The following GRIK2 variants were observed in gnomAD, a reference collection of about 807,000 sequenced individuals.
GRIK2 encodes glutamate receptor ionotropic, kainate 2.
GRIK2 carries 32 observed loss-of-function variants against 100.3 expected under a neutral mutation model. That is an observed-to-expected ratio of 0.32 (90% CI 0.24 to 0.43). The LOEUF (loss-of-function observed/expected upper bound fraction) is 0.43, where lower values mean the gene tolerates loss of function less well. Among genes scored for constraint, GRIK2 ranks in the 20% least tolerant of loss-of-function variants. The probability of loss-of-function intolerance (pLI) is 1.00; values close to 1 mark genes in which losing one functional copy is unlikely to be tolerated. For missense variants in GRIK2, 843 were observed against 1,114.9 expected (o/e 0.76, Z 3.47); for synonymous variants, 417 against 389.4 (o/e 1.07, Z -0.83).
At chr6:101,884,651 G>C (rs904186529) in intron 11 of GRIK2, among the ~76,000 whole-genome samples, 1 of 151,994 alleles carries the variant, frequency 6.6e-6, no homozygotes, top group Non-Finnish European at 1.5e-5. Context: ...GAATTAATCT[G>C]TTCTATCTAG....
At chr6:102,028,575 C>T (rs1018589457) in intron 14 of GRIK2, among the ~76,000 whole-genome samples, 7 of 151,032 alleles carry the variant, frequency 4.6e-5, no homozygotes, top group Admixed American at 6.6e-5. Flanking sequence ...AGATGATTTA[C>T]GAAAACTTAA....
At chr6:101,929,570 A>C (rs1582556841) in intron 14 of GRIK2, among the ~76,000 whole-genome samples, 1 of 152,194 alleles carries the variant, frequency 6.6e-6, no homozygotes, top group Non-Finnish European at 1.5e-5. Flanking sequence ...TACACGACAC[A>C]TTGAGTATTC....
At chr6:102,028,382 A>G (rs1326472898) in intron 14 of GRIK2, among the ~76,000 whole-genome samples, 2 of 151,314 alleles carry the variant, frequency 1.3e-5, no homozygotes, top group African/African-American at 2.4e-5. Flanking sequence ...GTGCTGATGT[A>G]GAAAAAAACA....
rs114921267 is a variant in GRIK2, at chr6:101,883,411, G to A, written c.1525-6229G>A. Among the ~76,000 whole-genome samples the A allele has an allele frequency of 6.0e-3, 910 of 152,018 alleles. 8 individuals are homozygous for A. The highest frequency in any genetic ancestry group is 0.021 in the African/African-American group (872 of 41,486). ...AAAATAGTTGTTTAGTGACTACTTT[G>A]TGCCAGTCACTGTACTAGACACTGG... On this transcript the variant is annotated intron_variant, in intron 11 of 16. Transcript: ENST00000369134.
chr6:101,465,558 G>T (rs1323374871), intron 2 of GRIK2, among the ~76,000 whole-genome samples: 4 of 152,102 alleles, frequency 2.6e-5, no homozygotes, highest in African/African-American at 9.7e-5. Flanking sequence ...TTATTGTGGA[G>T]AACTTATTAT....
chr6:101,893,730 C>T (rs1233973289), intron 12 of GRIK2, among the ~76,000 whole-genome samples: 4 of 151,678 alleles, frequency 2.6e-5, no homozygotes, highest in African/African-American at 9.7e-5. Flanking sequence ...ATTTATTTCT[C>T]ATTTATTCAT....
chr6:101,847,555 T>C (rs903862496), intron 10 of GRIK2, among the ~76,000 whole-genome samples: 2 of 152,118 alleles, frequency 1.3e-5, no homozygotes, highest in African/African-American at 4.8e-5. Flanking sequence ...TTGACAGAGA[T>C]TTCCTTAAAC....
intron 1 of GRIK2, among the ~76,000 whole-genome samples, chr6:101,396,059 G>A (rs1184717751): frequency 1.3e-5 from 2 of 152,080 alleles, no homozygotes; most frequent in South Asian, 4.1e-4. Context: ...TTTTAAAAGG[G>A]TTAAATCTAG....
At chr6:101,565,594 T>C (rs1015870893) in intron 2 of GRIK2, among the ~76,000 whole-genome samples, 1 of 151,910 alleles carries the variant, frequency 6.6e-6, no homozygotes, top group Non-Finnish European at 1.5e-5. Context: ...GTATAAACAG[T>C]GAGGAAAGAA....
intron 2 of GRIK2, among the ~76,000 whole-genome samples, chr6:101,422,761 A>G (rs1024655216): frequency 2.0e-5 from 3 of 152,318 alleles, no homozygotes; most frequent in Non-Finnish European, 2.9e-5. Context: ...TTGAAAAATC[A>G]AATGACATGA....
intron 4 of GRIK2, among the ~76,000 whole-genome samples, chr6:101,643,271 C>CTATATTT (rs1330949357): frequency 1.3e-5 from 2 of 151,496 alleles, no homozygotes; most frequent in Non-Finnish European, 3.0e-5. Flanking sequence ...CTTTTGCTGT[C>CTATATTT]ATATTCAATA....
chr6:101,725,002 A>G (rs1774760145), intron 7 of GRIK2, among the ~76,000 whole-genome samples: 1 of 151,974 alleles, frequency 6.6e-6, no homozygotes, highest in Non-Finnish European at 1.5e-5. Context: ...TGTGTCTGCT[A>G]TGTTCCCATT....
Position 101,818,420 on chromosome 6 carries a change from G to C in GRIK2, c.1254G>C (p.Lys418Asn). Residue 418 changes from lysine (K) to asparagine (N), a missense_variant, in exon 10 of 17, where the codon AAG (lysine) becomes AAC (asparagine). By Grantham distance (94) the Lys-to-Asn change is moderately conservative (BLOSUM62 0). Coordinates refer to ENST00000369134, the MANE Select transcript of GRIK2 (RefSeq NM_021956.5). ...GCCTGAATATGACAGAAAGTCAAAAGGGAAAGCCAGCGAACATCACAGATT... is the reference window on the plus strand; with the variant it reads ...GCCTGAATATGACAGAAAGTCAAAACGGAAAGCCAGCGAACATCACAGATT... ...ASGLNMTESQ[K>N]GKPANITDSL... 6.2e-7 allele frequency: 1 copy of C among 1,612,524 alleles called. No individual in the cohort carries two copies. Among genetic ancestry groups the C allele is most frequent in the East Asian group, 2.2e-5 (1 of 44,782 alleles).
At chr6:101,823,575 C>T (rs929875923) in intron 10 of GRIK2, among the ~76,000 whole-genome samples, 4 of 151,958 alleles carry the variant, frequency 2.6e-5, no homozygotes, top group Non-Finnish European at 4.4e-5. Flanking sequence ...GAACTATTAT[C>T]TTTCAAATTA....
intron 2 of GRIK2, among the ~76,000 whole-genome samples, chr6:101,566,698 T>A (rs990486254): frequency 6.6e-6 from 1 of 151,196 alleles, no homozygotes; most frequent in Non-Finnish European, 1.5e-5. Flanking sequence ...TTATTAGCCA[T>A]TTCAAAATCA....
intron 14 of GRIK2, among the ~76,000 whole-genome samples, chr6:101,975,809 G>GTCTATCTATATA (rs1793336424): frequency 6.8e-6 from 1 of 147,408 alleles, no homozygotes; most frequent in South Asian, 2.2e-4. Flanking sequence ...CTATCTATCT[G>GTCTATCTATATA]TCTATCTATC....
rs188551145 is a variant in GRIK2, at chr6:101,706,581, T to C, written c.951+20228T>C. Among the ~76,000 whole-genome samples, 46 of 152,030 alleles carry C rather than the reference T, an allele frequency of 3.0e-4. No homozygotes were observed. In the East Asian group the frequency reaches 7.8e-3, roughly 26 times the overall value. ...TATTGGCAGATATGCCTGTGAAAGA[T>C]AAACAGGCAGGAGGTTAGAATAGAC... On this transcript the variant is annotated intron_variant, in intron 7 of 16. Coordinates refer to ENST00000369134, the MANE Select transcript of GRIK2 (RefSeq NM_021956.5).
chr6:102,015,576 CTGCGGCCAACACCTG>C (rs1456321216), intron 14 of GRIK2, among the ~76,000 whole-genome samples: 8 of 152,174 alleles, frequency 5.3e-5, no homozygotes, highest in Admixed American at 6.5e-5. Context: ...GCCACTGTTG[CTGCGGCCAACACCTG>C]TACAGAGGCC....
At chr6:101,565,912 A>ATTTT (rs67278361) in intron 2 of GRIK2, among the ~76,000 whole-genome samples, 1 of 107,364 alleles carries the variant, frequency 9.3e-6, no homozygotes, top group African/African-American at 3.5e-5. Flanking sequence ...TTATATACCT[A>ATTTT]TTTTATATAT....
Sources: gnomAD v4.1 joint callset for allele counts (sites outside exome capture counted in the v4.1 genomes callset) on GRCh38, gnomAD v4.1.1 for gene constraint, MANE v1.5 for transcripts, NCBI Gene and HGNC (gene_info 2026-07-23, HGNC 2026-07-21) for gene names.